PCSK5: variants seen among roughly 807,000 people sequenced by gnomAD.
PCSK5 encodes the protein prohormone convertase 5.
PCSK5 carries 129 observed loss-of-function variants against 233.2 expected under a neutral mutation model. The ratio of observed to expected loss-of-function variants is 0.55; its 90% CI spans 0.48 to 0.64. The LOEUF (loss-of-function observed/expected upper bound fraction) is 0.64. Ranked by LOEUF, PCSK5 falls within the 30% of genes least tolerant of loss-of-function variation. PCSK5 has a pLI of 0.00. For missense variants in PCSK5, 2,076 were observed against 2,430.1 expected (o/e 0.85, Z 3.06); for synonymous variants, 825 against 879.2 (o/e 0.94, Z 1.09).
intron 1 of PCSK5, 42 bp downstream of exon 1, chr9:75,891,415 A>C: frequency 2.1e-6 from 3 of 1,451,278 alleles, no homozygotes; most frequent in Non-Finnish European, 2.8e-6. Flanking sequence ...CCCTGAAGCC[A>C]CTGGGGGCTT....
Position 76,003,125 on chromosome 9 carries a change from A to T in PCSK5, c.411+16880A>T. Among the ~76,000 whole-genome samples the T allele has an allele frequency of 1.3e-5, 2 of 152,210 alleles. 1 individual carries two copies. On this transcript the variant is annotated intron_variant, in intron 3 of 37. Transcript: ENST00000674117. ...AAGAGATAGCAAGAGTCTACAGAGG[A>T]CTACGAGGCTATGGAAAGAGGTCAT...
chr9:76,227,637 T>G (rs777235613), intron 21 of PCSK5, 32 bp downstream of exon 21: 1 of 1,394,210 alleles, frequency 7.2e-7, no homozygotes, highest in Non-Finnish European at 1.0e-6. Flanking sequence ...CCCGGTGGTG[T>G]GAGCTCATGG....
At chr9:76,049,418 T>C (rs1829544023) in intron 5 of PCSK5, among the ~76,000 whole-genome samples, 1 of 152,208 alleles carries the variant, frequency 6.6e-6, no homozygotes, top group East Asian at 1.9e-4. Flanking sequence ...GAAATGGCCC[T>C]GATGAACTCT....
chr9:76,145,316 G>C (rs1386315911), intron 10 of PCSK5, among the ~76,000 whole-genome samples: 1 of 152,094 alleles, frequency 6.6e-6, no homozygotes, highest in African/African-American at 2.4e-5. Context: ...TCAAATGTAT[G>C]ATTCTTTCAT....
intron 34 of PCSK5, 131 bp downstream of exon 34, chr9:76,332,741 C>T (rs528629904): frequency 4.5e-6 from 3 of 660,874 alleles, no homozygotes; most frequent in Non-Finnish European, 7.8e-6. Flanking sequence ...TAGTAAGGAG[C>T]AAAGATGAAC....
At position 76,188,606 on chromosome 9, in the gene PCSK5, T is replaced by G; in HGVS notation, c.2311T>G (p.Cys771Gly). The G allele has an allele frequency of 6.2e-7, 1 of 1,613,754 alleles. No individual in the cohort carries two copies. Among genetic ancestry groups the G allele is most frequent in the Non-Finnish European group, 8.5e-7 (1 of 1,179,716 alleles). ...GCAGGGATCCCGGTGCTCTGTCTCC[T>G]GTGAAGATGGACGGTATTTCAACGG... The part of the protein sequence containing the change: ...SLQGSRCSVS[C>G]EDGRYFNGQD... Residue 771 changes from cysteine (C) to glycine (G), a missense_variant, in exon 18 of 38, where the codon TGT (cysteine) becomes GGT (glycine). This residue lies in a region of PCSK5 where 1,510 missense variants were observed against 1,538.1 expected (regional missense o/e 0.98). Transcript: ENST00000674117.
At chr9:76,081,247 A>G (rs1290229670) in intron 7 of PCSK5, among the ~76,000 whole-genome samples, 1 of 152,120 alleles carries the variant, frequency 6.6e-6, no homozygotes, top group African/African-American at 2.4e-5. Flanking sequence ...TGAGGTCAGG[A>G]GTTTGAAACC....
chr9:76,017,549 C>G (rs1010856260), intron 3 of PCSK5, among the ~76,000 whole-genome samples: 8 of 152,154 alleles, frequency 5.3e-5, no homozygotes, highest in African/African-American at 1.9e-4. Context: ...TCAAGTCATA[C>G]AGCTGGAAAG....
chr9:75,901,626 T>C (rs1387630437), intron 1 of PCSK5, among the ~76,000 whole-genome samples: 2 of 130,550 alleles, frequency 1.5e-5, no homozygotes, highest in East Asian at 4.0e-4. Context: ...ATCCCAGAAC[T>C]TAAAAAAAAA....
At chr9:76,150,891 A>G (rs990344741) in intron 10 of PCSK5, among the ~76,000 whole-genome samples, 2 of 152,046 alleles carry the variant, frequency 1.3e-5, no homozygotes, top group African/African-American at 2.4e-5. Flanking sequence ...GCTTTCCACT[A>G]TCAGATATTT....
intron 20 of PCSK5, among the ~76,000 whole-genome samples, chr9:76,220,065 G>A (rs1825674856): frequency 6.6e-6 from 1 of 152,072 alleles, no homozygotes; most frequent in Non-Finnish European, 1.5e-5. Flanking sequence ...TAGGCTCACA[G>A]GAATAGCAAA....
intron 12 of PCSK5, among the ~76,000 whole-genome samples, chr9:76,165,619 C>T (rs1823054812): frequency 6.6e-6 from 1 of 152,200 alleles, no homozygotes. Context: ...TAACTGGATG[C>T]ATAATTTGTG....
At chr9:75,903,574 G>GTATA (rs1554703571) in intron 1 of PCSK5, among the ~76,000 whole-genome samples, 4 of 115,448 alleles carry the variant, frequency 3.5e-5, no homozygotes, top group Admixed American at 2.5e-4. Flanking sequence ...GTGTGTGTGT[G>GTATA]TATATATATA....
At chr9:76,054,230 G>A (rs1829742311) in intron 5 of PCSK5, among the ~76,000 whole-genome samples, 1 of 152,182 alleles carries the variant, frequency 6.6e-6, no homozygotes, top group Non-Finnish European at 1.5e-5. Context: ...GATGAGATTT[G>A]GGTGGGGACA....
intron 20 of PCSK5, among the ~76,000 whole-genome samples, chr9:76,197,403 C>T (rs1217017535): frequency 6.6e-6 from 1 of 152,110 alleles, no homozygotes; most frequent in Non-Finnish European, 1.5e-5. Context: ...TTTTAAAGAA[C>T]TTACAAACTG....
Position 76,141,056 on chromosome 9 carries a change from A to G in PCSK5, c.1312+6844A>G, listed in dbSNP as rs565387779. Among the ~76,000 whole-genome samples, 7 of 152,176 alleles carry G rather than the reference A, an allele frequency of 4.6e-5. No individual in the cohort carries two copies. In the South Asian group the frequency reaches 1.5e-3, roughly 32 times the overall value. ...CTATTCTTAATAACAACAACTCTTA[A>G]TATTTTGTGGTTATGGTTGATATTT... On this transcript the variant is annotated intron_variant, in intron 10 of 37. Coordinates refer to ENST00000674117, the MANE Select transcript of PCSK5 (RefSeq NM_001372043.1).
At chr9:76,194,465 A>C in intron 20 of PCSK5, 1 of 153,206 alleles carries the variant, frequency 6.5e-6, no homozygotes, top group East Asian at 1.9e-4. Context: ...TTTTAAGAAA[A>C]TAAAACTGGA....
chr9:76,312,547 A>G (rs1304585070), intron 30 of PCSK5, among the ~76,000 whole-genome samples: 4 of 151,764 alleles, frequency 2.6e-5, no homozygotes, highest in Non-Finnish European at 5.9e-5. Context: ...ACTGGCACCT[A>G]TTTCCTAGTG....
chr9:76,303,200 TTTTA>T (rs575583522), intron 28 of PCSK5, among the ~76,000 whole-genome samples: 5 of 152,206 alleles, frequency 3.3e-5, no homozygotes, highest in Admixed American at 1.3e-4. Flanking sequence ...TTTATTTTAT[TTTTA>T]TTTGTTATTA....
Sources: gnomAD v4.1 joint callset for allele counts (sites outside exome capture counted in the v4.1 genomes callset) on GRCh38, gnomAD v4.1.1 for gene constraint, gnomAD v4.1.1 regional missense constraint, MANE v1.5 for transcripts, NCBI Gene and HGNC (gene_info 2026-07-23, HGNC 2026-07-21) for gene names.